Variants in GALNT13 observed in about 807,000 individuals in gnomAD.
GALNT13 encodes UDP-GalNAc:polypeptide N-acetylgalactosaminyltransferase 13.
In GALNT13, 28 loss-of-function variants were observed where a neutral mutation model predicts 64.2. That is an observed-to-expected ratio of 0.44 (90% CI 0.32 to 0.60). The LOEUF is 0.60. Among genes scored for constraint, GALNT13 ranks in the 20% least tolerant of loss-of-function variants. The pLI is 0.05. For missense variants in GALNT13, 577 were observed against 669.8 expected (o/e 0.86, Z 1.53); for synonymous variants, 214 against 224.6 (o/e 0.95, Z 0.42).
the GALNT13 span, among the ~76,000 whole-genome samples, chr2:153,194,295 T>C: frequency 6.6e-6 from 1 of 152,280 alleles, no homozygotes; most frequent in African/African-American, 2.4e-5. Flanking sequence ...TTTATGCTTT[T>C]TTGTCTTTTT....
chr2:153,773,880 T>C, the GALNT13 span, among the ~76,000 whole-genome samples: 1 of 152,146 alleles, frequency 6.6e-6, no homozygotes, highest in African/African-American at 2.4e-5. Flanking sequence ...GACAATTATA[T>C]ATAGCTCAAA....
At chr2:153,299,623 C>T in the GALNT13 span, among the ~76,000 whole-genome samples, 5 of 152,158 alleles carry the variant, frequency 3.3e-5, no homozygotes, top group African/African-American at 1.2e-4. Context: ...TCCTTTTCCT[C>T]TTTCTCTTTG....
intron 3 of GALNT13, among the ~76,000 whole-genome samples, chr2:154,019,310 T>C (rs1318659960): frequency 6.6e-6 from 1 of 152,178 alleles, no homozygotes; most frequent in Non-Finnish European, 1.5e-5. Flanking sequence ...TGTTTTGCTA[T>C]AGAAATCATT....
At chr2:153,675,022 T>C in the GALNT13 span, among the ~76,000 whole-genome samples, 2 of 152,148 alleles carry the variant, frequency 1.3e-5, no homozygotes, top group Admixed American at 1.3e-4. Context: ...GTTAGAATGG[T>C]GATCATTAAA....
chr2:154,217,894 T>C (rs1688130410), intron 4 of GALNT13, among the ~76,000 whole-genome samples: 1 of 152,098 alleles, frequency 6.6e-6, no homozygotes, highest in Non-Finnish European at 1.5e-5. Context: ...GGACTTAGTT[T>C]AGCAATCTAC....
chr2:153,358,943 CA>C, the GALNT13 span, among the ~76,000 whole-genome samples: 449 of 152,090 alleles, frequency 3.0e-3, 2 homozygotes, highest in African/African-American at 9.9e-3. Flanking sequence ...ATAAATAATA[CA>C]AAAAAATATT....
At chr2:153,561,270 T>C in the GALNT13 span, among the ~76,000 whole-genome samples, 5 of 152,088 alleles carry the variant, frequency 3.3e-5, no homozygotes, top group Admixed American at 6.6e-5. Flanking sequence ...ATGACATATA[T>C]AAATATACAG....
chr2:153,490,364 A>G, the GALNT13 span, among the ~76,000 whole-genome samples: 1 of 152,146 alleles, frequency 6.6e-6, no homozygotes, highest in Non-Finnish European at 1.5e-5. Flanking sequence ...TGGATAAAAG[A>G]GAAATATTTT....
the GALNT13 span, among the ~76,000 whole-genome samples, chr2:153,263,835 A>G: frequency 6.6e-6 from 1 of 152,246 alleles, no homozygotes; most frequent in East Asian, 1.9e-4. Flanking sequence ...AGCAAAAACT[A>G]TAAAAATCCT....
At chr2:153,580,824 A>G in the GALNT13 span, among the ~76,000 whole-genome samples, 1 of 152,188 alleles carries the variant, frequency 6.6e-6, no homozygotes, top group East Asian at 1.9e-4. Flanking sequence ...CAGTTGAAGT[A>G]CCAACATATA....
chr2:153,338,359 A>G, the GALNT13 span, among the ~76,000 whole-genome samples: 1 of 152,284 alleles, frequency 6.6e-6, no homozygotes, highest in African/African-American at 2.4e-5. Context: ...ATAAAACAGT[A>G]AAATTTATTA....
chr2:154,164,188 A>C (rs1442473279), intron 4 of GALNT13, among the ~76,000 whole-genome samples: 1 of 152,148 alleles, frequency 6.6e-6, no homozygotes, highest in Admixed American at 6.5e-5. Flanking sequence ...AAAAATAGTT[A>C]AGAATAGAGC....
chr2:153,810,141 T>C, the GALNT13 span, among the ~76,000 whole-genome samples: 1 of 152,062 alleles, frequency 6.6e-6, no homozygotes, highest in African/African-American at 2.4e-5. Context: ...TTTTGTATTT[T>C]TTTAGTAGAG....
At chr2:153,773,426 T>C in the GALNT13 span, among the ~76,000 whole-genome samples, 1 of 152,226 alleles carries the variant, frequency 6.6e-6, no homozygotes, top group Non-Finnish European at 1.5e-5. Flanking sequence ...TCGTATTGGA[T>C]ACCAAGTCAG....
At chr2:153,725,477 A>G in the GALNT13 span, among the ~76,000 whole-genome samples, 1 of 149,114 alleles carries the variant, frequency 6.7e-6, no homozygotes, top group African/African-American at 2.5e-5. Flanking sequence ...TAATAATAAT[A>G]GTAATAATAA....
chr2:153,991,272 G>A (rs1695140815), intron 3 of GALNT13, among the ~76,000 whole-genome samples: 1 of 152,122 alleles, frequency 6.6e-6, no homozygotes, highest in African/African-American at 2.4e-5. Context: ...AGCAAAAAAC[G>A]TGAGAATGAG....
chr2:154,236,462 C>A (rs1421855972), intron 4 of GALNT13, among the ~76,000 whole-genome samples: 1 of 151,954 alleles, frequency 6.6e-6, no homozygotes, highest in African/African-American at 2.4e-5. Flanking sequence ...TGAGATAATT[C>A]CAATGTCCAG....
the GALNT13 span, among the ~76,000 whole-genome samples, chr2:153,757,520 A>G: frequency 1.3e-5 from 2 of 152,148 alleles, no homozygotes; most frequent in African/African-American, 4.8e-5. Flanking sequence ...CTTTAGATAT[A>G]CTAGTGAAAT....
In GALNT13 at chr2:154,132,369, A is replaced by T. The variant is rs374879661; in HGVS notation, c.143-7968A>T. On this transcript the variant is annotated intron_variant, in intron 3 of 12. Coordinates refer to ENST00000392825, the MANE Select transcript of GALNT13 (RefSeq NM_052917.4). ...GTTTTTCCAAAAATAGGCTTATTTTATAACATTGTTTTATAATCCTTTTTT... is the reference window on the plus strand; with the variant it reads ...GTTTTTCCAAAAATAGGCTTATTTTTTAACATTGTTTTATAATCCTTTTTT... 9.2e-5 allele frequency among the ~76,000 whole-genome samples: 14 copies of T among 152,262 alleles called. No homozygotes were observed. The East Asian group carries it at 2.3e-3, about 25-fold the overall frequency.
Sources: allele counts gnomAD v4.1 joint callset (sites outside exome capture counted in the v4.1 genomes callset), GRCh38; gene constraint gnomAD v4.1.1; transcripts MANE v1.5; gene names NCBI Gene and HGNC (gene_info 2026-07-23, HGNC 2026-07-21).